Variants in USP42 observed in about 807,000 individuals in gnomAD.
USP42 encodes the protein ubiquitin carboxyl-terminal hydrolase 42.
A neutral mutation model predicts 113.0 loss-of-function variants in USP42; 23 were observed. That is an observed-to-expected ratio of 0.20 (90% CI 0.15 to 0.29). The LOEUF is 0.29. Ranked by LOEUF, USP42 falls within the 10% of genes least tolerant of loss-of-function variation. USP42 has a pLI of 1.00. For missense variants in USP42, 2,174 were observed against 1,779.8 expected, an observed-to-expected ratio of 1.22 and a Z score of -3.99; for synonymous variants, 933 against 699.0, an observed-to-expected ratio of 1.33 and a Z score of -5.28.
intron 3 of USP42, among the ~76,000 whole-genome samples, chr7:6,132,445 C>T (rs1341496984): frequency 6.6e-6 from 1 of 151,848 alleles, no homozygotes; most frequent in Non-Finnish European, 1.5e-5. Flanking sequence ...GCAACCTCTG[C>T]CTCCCAGGTT....
At chr7:6,091,514 C>T in the USP42 span, among the ~76,000 whole-genome samples, 3 of 150,714 alleles carry the variant, frequency 2.0e-5, no homozygotes, top group Non-Finnish European at 4.4e-5. Flanking sequence ...AGGCTTGAGC[C>T]GCCATGCCCA....
intron 11 of USP42, among the ~76,000 whole-genome samples, chr7:6,146,991 T>G (rs1781752056): frequency 6.6e-6 from 1 of 152,258 alleles, no homozygotes; most frequent in South Asian, 2.1e-4. Flanking sequence ...TGTCCTGTTG[T>G]GGCTGCATAC....
rs766341836 is a variant in USP42 at position 6,143,022 on chromosome 7, G to C, written c.878+8G>C. On this transcript the variant is annotated splice_region_variant and intron_variant, in intron 8 of 17. Transcript: ENST00000306177. Reference sequence around the variant, plus strand: ...CTCGTACAAGTGCAGCAAGTACGTTGGGTGGTGACTTGATTCTTGATGCCG... The same window carrying C: ...CTCGTACAAGTGCAGCAAGTACGTTCGGTGGTGACTTGATTCTTGATGCCG... 4 of 1,613,888 alleles carry C rather than the reference G, an allele frequency of 2.5e-6. No individual in the cohort carries two copies. Among genetic ancestry groups the C allele is most frequent in the Non-Finnish European group, 2.5e-6 (3 of 1,179,784 alleles).
chr7:6,150,422 C>G lies in USP42; in HGVS notation c.2117C>G (p.Ala706Gly). The change falls in exon 14 of 18, where the codon GCT becomes GGT. Residue 706 changes from alanine to glycine, a missense_variant. Coordinates refer to ENST00000306177, the MANE Select transcript of USP42 (RefSeq NM_032172.3). ...TTGTTTTTATTGCAGTTGATGCCTG[C>G]TCCTTTGCTGTCTCTCCCAGAAGAC... is the stretch of plus-strand genomic sequence containing the variant. The part of the protein sequence containing the change: ...ANGLPGKLMP[A>G]PLLSLPEDKI... The G allele has an allele frequency of 1.9e-6, 3 of 1,613,908 alleles. No homozygotes were observed. Among genetic ancestry groups the G allele is most frequent in the Non-Finnish European group, 2.5e-6 (3 of 1,179,826 alleles).
At chr7:6,140,571 C>T (rs1781378389) in intron 6 of USP42, among the ~76,000 whole-genome samples, 1 of 152,194 alleles carries the variant, frequency 6.6e-6, no homozygotes, top group Non-Finnish European at 1.5e-5. Context: ...CATCCGTGCA[C>T]ACATGCTTTA....
chr7:6,154,207 G>A lies in USP42; in HGVS notation c.2653G>A (p.Asp885Asn), dbSNP rs553917396. The A allele has an allele frequency of 3.1e-6, 5 of 1,606,304 alleles. No homozygotes were observed. Among genetic ancestry groups the A allele is most frequent in the African/African-American group, 1.3e-5 (1 of 75,004 alleles). Residue 885 changes from aspartate to asparagine, a missense_variant, in exon 15 of 18, where the codon GAC becomes AAC. Transcript: ENST00000306177. ...PSGDHARDAQDPSQSLGAPEA... is the reference protein window; with the variant it reads ...PSGDHARDAQNPSQSLGAPEA... ...CGGGGACCACGCCCGGGACGCTCAG[G>A]ACCCATCCCAGAGCTTGGGCGCACC...
chr7:6,081,905 T>C, the USP42 span: 1 of 152,082 alleles, frequency 6.6e-6, no homozygotes, highest in African/African-American at 2.4e-5. Flanking sequence ...TATATAGAAA[T>C]ATAAATAAAA....
At chr7:6,131,610 T>A (rs1453088878) in intron 3 of USP42, among the ~76,000 whole-genome samples, 3 of 151,846 alleles carry the variant, frequency 2.0e-5, no homozygotes, top group South Asian at 2.1e-4. Flanking sequence ...CTGGAGAGAG[T>A]GGGAGCGGGA....
At chr7:6,108,722 A>G (rs1583570393) in intron 1 of USP42, among the ~76,000 whole-genome samples, 1 of 151,834 alleles carries the variant, frequency 6.6e-6, no homozygotes, top group African/African-American at 2.4e-5. Context: ...CTCGTGATCC[A>G]CCCGCCTTGG....
chr7:6,089,201 C>T, the USP42 span, among the ~76,000 whole-genome samples: 83 of 149,876 alleles, frequency 5.5e-4, 7 homozygotes, highest in African/African-American at 2.0e-3. Context: ...CCCGACACCA[C>T]GCCTGGCTAA....
At chr7:6,092,223 G>GCT in the USP42 span, among the ~76,000 whole-genome samples, 1 of 137,480 alleles carries the variant, frequency 7.3e-6, no homozygotes, top group Non-Finnish European at 1.5e-5. Context: ...TGTCGCCCAG[G>GCT]CTGGAGTGCA....
chr7:6,111,325 G>A lies in USP42; in HGVS notation c.192G>A (p.Ser64=), dbSNP rs1481341513. The change falls in exon 2 of 18, where the codon TCG becomes TCA. Residue 64 remains serine (S), a synonymous_variant. Coordinates refer to ENST00000306177, the MANE Select transcript of USP42 (RefSeq NM_032172.3). ...CAGTACCTGGTGCTGTAGTTTATTC[G>A]AGTTCATCTGTACCTGATAAATCAA... ...LGPVPGAVVY[S]SSSVPDKSKP... is the part of the protein sequence containing the mutation. 3.1e-6 allele frequency: 5 copies of A among 1,610,216 alleles called. No individual in the cohort carries two copies. Among genetic ancestry groups the A allele is most frequent in the South Asian group, 2.2e-5 (2 of 90,438 alleles).
intron 1 of USP42, among the ~76,000 whole-genome samples, chr7:6,106,902 A>G (rs1305271053): frequency 4.6e-5 from 7 of 152,188 alleles, no homozygotes; most frequent in South Asian, 2.1e-4. Flanking sequence ...TAACTTTTAT[A>G]TATCATCAGA....
chr7:6,115,522 A>G lies in USP42; in HGVS notation c.441A>G (p.Thr147=). 6.2e-7 allele frequency: 1 copy of G among 1,613,984 alleles called. No homozygotes were observed. Among genetic ancestry groups the G allele is most frequent in the Non-Finnish European group, 8.5e-7 (1 of 1,179,822 alleles). ...NYMLSHEHSK[T]CHAEGFCMMC... is the part of the protein sequence containing the mutation. ...TGCTATCACATGAACACTCCAAAAC[A>G]TGTAAGTGTTCCGTGTTGTGTTTGT... is the stretch of plus-strand genomic sequence containing the variant. The change falls in exon 3 of 18, where the codon ACA becomes ACG. Residue 147 remains threonine (T), a splice_region_variant and synonymous_variant. Coordinates refer to ENST00000306177, the MANE Select transcript of USP42 (RefSeq NM_032172.3).
intron 4 of USP42, among the ~76,000 whole-genome samples, chr7:6,137,391 CT>C (rs1157524574): frequency 1.3e-5 from 2 of 152,248 alleles, no homozygotes; most frequent in Non-Finnish European, 2.9e-5. Context: ...TGGAGTCTCG[CT>C]CTGTCCCCAA....
intron 2 of USP42, among the ~76,000 whole-genome samples, chr7:6,114,953 G>A (rs1160306434): frequency 6.6e-6 from 1 of 151,828 alleles, no homozygotes; most frequent in Non-Finnish European, 1.5e-5. Context: ...GCCTCCCAAA[G>A]TGCTGGGATT....
At chr7:6,093,422 A>T in the USP42 span, among the ~76,000 whole-genome samples, 2 of 150,378 alleles carry the variant, frequency 1.3e-5, no homozygotes, top group Non-Finnish European at 2.9e-5. Flanking sequence ...AGTAACTGGG[A>T]CTACAGGCAT....
At chr7:6,088,803 A>C in the USP42 span, 1 of 151,022 alleles carries the variant, frequency 6.6e-6, no homozygotes, top group African/African-American at 2.5e-5. Context: ...TCCTGCTTGA[A>C]GCCTGAAGTG....
At chr7:6,088,767 C>T in the USP42 span, 2 of 151,246 alleles carry the variant, frequency 1.3e-5, no homozygotes, top group Non-Finnish European at 2.9e-5. Context: ...ATTTTGCTCT[C>T]CTTCTCTCCT....
Sources: gnomAD v4.1 joint callset for allele counts (sites outside exome capture counted in the v4.1 genomes callset) on GRCh38, gnomAD v4.1.1 for gene constraint, MANE v1.5 for transcripts, NCBI Gene and HGNC (gene_info 2026-07-23, HGNC 2026-07-21) for gene names.